LRMDA: variants seen among roughly 807,000 people sequenced by gnomAD.
LRMDA encodes leucine-rich melanocyte differentiation-associated protein.
LRMDA carries 18 observed loss-of-function variants against 29.8 expected under a neutral mutation model. The ratio of observed to expected loss-of-function variants is 0.60; its 90% CI spans 0.42 to 0.90. The LOEUF is 0.90. Ranked by LOEUF, LRMDA falls within the 40% of genes least tolerant of loss-of-function variation. The pLI is 0.00. For synonymous variants in LRMDA, 125 were observed against 109.4 expected (o/e 1.14, Z -0.89); for missense variants, 273 against 273.9 (o/e 1.00, Z 0.02).
intron 6 of LRMDA, among the ~76,000 whole-genome samples, chr10:76,470,846 A>G (rs1316756263): frequency 6.6e-6 from 1 of 151,946 alleles, no homozygotes. Flanking sequence ...CTGGAAATGT[A>G]TACTGGTAAT....
rs117263982 is a variant in LRMDA, at chr10:75,860,754, A to C, written c.132-175254A>C. 2.5e-4 allele frequency among the ~76,000 whole-genome samples: 38 copies of C among 152,316 alleles called. No individual in the cohort carries two copies. In the East Asian group the frequency reaches 6.6e-3, roughly 26 times the overall value. ...TCAAAGTGATGGTGACAGGGTGTCC[A>C]TCAGAAGATACAGGTTCTAATTTTA... On this transcript the variant is annotated intron_variant, in intron 2 of 6. Transcript: ENST00000611255.
At chr10:76,173,691 C>G (rs1850879999) in intron 5 of LRMDA, among the ~76,000 whole-genome samples, 2 of 152,086 alleles carry the variant, frequency 1.3e-5, no homozygotes, top group Non-Finnish European at 2.9e-5. Context: ...GACGGAGTCT[C>G]ACTCTGTCAC....
At chr10:76,488,312 C>G (rs1464149609) in intron 6 of LRMDA, among the ~76,000 whole-genome samples, 1 of 151,716 alleles carries the variant, frequency 6.6e-6, no homozygotes, top group Non-Finnish European at 1.5e-5. Flanking sequence ...CCCTAATGAC[C>G]TTTGAAATTC....
At chr10:76,549,939 GTCT>G (rs771826451) in intron 6 of LRMDA, among the ~76,000 whole-genome samples, 21 of 152,306 alleles carry the variant, frequency 1.4e-4, no homozygotes, top group Admixed American at 3.3e-4. Context: ...GCAGACTCAA[GTCT>G]TCTTGTCGCA....
chr10:76,191,219 C>T (rs185845088), intron 5 of LRMDA, among the ~76,000 whole-genome samples: 28 of 152,198 alleles, frequency 1.8e-4, no homozygotes, highest in African/African-American at 6.7e-4. Context: ...AGATGGGGTG[C>T]ACTGATAAAT....
intron 5 of LRMDA, among the ~76,000 whole-genome samples, chr10:76,101,730 C>G (rs1023352994): frequency 5.5e-5 from 7 of 128,236 alleles, no homozygotes; most frequent in African/African-American, 2.0e-4. Context: ...GATTGAGACT[C>G]TGTCTCAAAA....
At chr10:75,837,335 G>A (rs1438261466) in intron 2 of LRMDA, among the ~76,000 whole-genome samples, 1 of 151,912 alleles carries the variant, frequency 6.6e-6, no homozygotes, top group Non-Finnish European at 1.5e-5. Context: ...AGATCTTTGA[G>A]GAGGAGAAAG....
At chr10:75,606,976 A>G (rs1433075444) in intron 2 of LRMDA, among the ~76,000 whole-genome samples, 1 of 152,238 alleles carries the variant, frequency 6.6e-6, no homozygotes, top group Non-Finnish European at 1.5e-5. Context: ...ATAAAATCCC[A>G]TGAATTCAAC....
intron 2 of LRMDA, among the ~76,000 whole-genome samples, chr10:76,005,518 CG>C (rs1336266376): frequency 6.6e-6 from 1 of 152,102 alleles, no homozygotes; most frequent in Non-Finnish European, 1.5e-5. Flanking sequence ...GAGGCTGAGA[CG>C]GGAGGAGCAC....
chr10:75,831,039 A>G (rs1370880052), intron 2 of LRMDA, among the ~76,000 whole-genome samples: 1 of 152,106 alleles, frequency 6.6e-6, no homozygotes, highest in Non-Finnish European at 1.5e-5. Flanking sequence ...TCCAGCAGGG[A>G]AGTCAAATCT....
intron 2 of LRMDA, among the ~76,000 whole-genome samples, chr10:75,630,414 A>T (rs920808126): frequency 6.0e-4 from 91 of 152,284 alleles, no homozygotes; most frequent in Admixed American, 9.2e-4. Flanking sequence ...TCCATCGTTG[A>T]GTTTCTGGCA....
chr10:75,505,317 C>T (rs1446091142), intron 2 of LRMDA, among the ~76,000 whole-genome samples: 3 of 152,124 alleles, frequency 2.0e-5, no homozygotes, highest in Admixed American at 6.5e-5. Flanking sequence ...ATGGTTATAG[C>T]TGGCTCACTA....
At chr10:75,662,129 A>T (rs1008617178) in intron 2 of LRMDA, among the ~76,000 whole-genome samples, 4 of 152,000 alleles carry the variant, frequency 2.6e-5, no homozygotes, top group Non-Finnish European at 4.4e-5. Flanking sequence ...TTTTCTGCCA[A>T]AATTGCTTGA....
intron 5 of LRMDA, among the ~76,000 whole-genome samples, chr10:76,169,467 C>G (rs1850796904): frequency 6.6e-6 from 1 of 152,122 alleles, no homozygotes; most frequent in Non-Finnish European, 1.5e-5. Flanking sequence ...GATGTTGGAG[C>G]CCTTCTGTTA....
intron 5 of LRMDA, among the ~76,000 whole-genome samples, chr10:76,297,658 T>C (rs1414991506): frequency 6.6e-6 from 1 of 152,162 alleles, no homozygotes; most frequent in African/African-American, 2.4e-5. Context: ...TCCTGGAAAG[T>C]AGAATCCTAA....
chr10:75,549,594 T>C (rs907615909), intron 2 of LRMDA, among the ~76,000 whole-genome samples: 1 of 152,206 alleles, frequency 6.6e-6, no homozygotes, highest in African/African-American at 2.4e-5. Flanking sequence ...TAGTTGAGAC[T>C]ACAGGTACAT....
At chr10:76,521,607 T>C (rs1843121992) in intron 6 of LRMDA, among the ~76,000 whole-genome samples, 2 of 152,192 alleles carry the variant, frequency 1.3e-5, no homozygotes, top group Non-Finnish European at 1.5e-5. Context: ...ACATCAAGAA[T>C]TGGAATTTAG....
At chr10:75,829,841 CTTT>C (rs34025294) in intron 2 of LRMDA, among the ~76,000 whole-genome samples, 4 of 89,440 alleles carry the variant, frequency 4.5e-5, no homozygotes, top group Admixed American at 1.2e-4. Context: ...GAATAGGCCA[CTTT>C]TTTTTTTTTT....
At chr10:76,514,050 A>G (rs1843035767) in intron 6 of LRMDA, among the ~76,000 whole-genome samples, 1 of 152,232 alleles carries the variant, frequency 6.6e-6, no homozygotes, top group African/African-American at 2.4e-5. Flanking sequence ...TTATGCTAGA[A>G]TAGAGATTTA....
Sources: gnomAD v4.1 joint callset for allele counts (sites outside exome capture counted in the v4.1 genomes callset) on GRCh38, gnomAD v4.1.1 for gene constraint, MANE v1.5 for transcripts, NCBI Gene and HGNC (gene_info 2026-07-23, HGNC 2026-07-21) for gene names.